Variants in PCDHGB3 observed in about 807,000 individuals in gnomAD.
PCDHGB3 encodes the protein protocadherin gamma-B3.
In PCDHGB3, 40 loss-of-function variants were observed where a neutral mutation model predicts 59.2. The observed-to-expected ratio is 0.68, with a 90% CI of 0.52 to 0.88. The LOEUF is 0.88. PCDHGB3 is among the 40% of genes least tolerant of loss of function. The pLI, the probability that PCDHGB3 is intolerant of heterozygous loss-of-function variation, is 0.00. For missense variants in PCDHGB3, 1,309 were observed against 1,187.9 expected, an observed-to-expected ratio of 1.10 and a Z score of -1.50; for synonymous variants, 581 against 503.6, an observed-to-expected ratio of 1.15 and a Z score of -2.06.
chr5:141,505,053 T>C (rs904041070), intron 2 of PCDHGB3, among the ~76,000 whole-genome samples: 2 of 152,108 alleles, frequency 1.3e-5, no homozygotes, highest in African/African-American at 4.8e-5. Context: ...TCCCAGCTAC[T>C]TGGGAGACTG....
chr5:141,393,635 C>T, intron 1 of PCDHGB3: 2 of 1,613,868 alleles, frequency 1.2e-6, no homozygotes, highest in East Asian at 4.5e-5. Context: ...AGGGAATCAA[C>T]GGAAAAGTGG....
At chr5:141,447,437 G>A (rs1435222330) in intron 1 of PCDHGB3, among the ~76,000 whole-genome samples, 3 of 152,128 alleles carry the variant, frequency 2.0e-5, no homozygotes, top group Non-Finnish European at 2.9e-5. Context: ...CGCACCCGGA[G>A]GAAATTTTTA....
At chr5:141,404,602 G>C (rs749746083) in intron 1 of PCDHGB3, 2 of 1,614,076 alleles carry the variant, frequency 1.2e-6, no homozygotes, top group Admixed American at 1.7e-5. Flanking sequence ...CATTGAGACT[G>C]TTTGTTTTGG....
chr5:141,394,020 AG>A (rs745548616), intron 1 of PCDHGB3: 1 of 1,613,544 alleles, frequency 6.2e-7, no homozygotes, highest in Non-Finnish European at 8.5e-7. Flanking sequence ...TAATTATTAT[AG>A]ATTAGTGACA....
At chr5:141,395,478 T>G in intron 1 of PCDHGB3, 1 of 546,140 alleles carries the variant, frequency 1.8e-6, no homozygotes, top group Non-Finnish European at 3.1e-6. Context: ...CAGTATTTTA[T>G]TCCTATTATC....
At chr5:141,388,207 C>T (rs1374751231) in intron 1 of PCDHGB3, 1 of 1,578,332 alleles carries the variant, frequency 6.3e-7, no homozygotes, top group Admixed American at 1.7e-5. Flanking sequence ...GAATTTGAGG[C>T]TGTTGCTGAA....
chr5:141,428,007 A>G, intron 1 of PCDHGB3: 1 of 1,602,018 alleles, frequency 6.2e-7, no homozygotes, highest in Non-Finnish European at 8.5e-7. Flanking sequence ...ACTCTTCGAT[A>G]TAGTGCCACG....
intron 1 of PCDHGB3, chr5:141,422,952 C>A (rs759618535): frequency 6.2e-7 from 1 of 1,614,254 alleles, no homozygotes; most frequent in Non-Finnish European, 8.5e-7. Context: ...GCTCCACTGG[C>A]GTGGAGCTGG....
In PCDHGB3 at chr5:141,431,913, T is replaced by C; in HGVS notation, c.2415+59104T>C. The C allele has an allele frequency of 6.2e-7, 1 of 1,614,140 alleles. No individual in the cohort carries two copies. Among genetic ancestry groups the C allele is most frequent in the Admixed American group, 1.7e-5 (1 of 60,034 alleles). On this transcript the variant is annotated intron_variant, in intron 1 of 3. Transcript: ENST00000576222. This position sits in a 1 kb window ranked among gnomAD's most constrained non-coding sequence, Gnocchi z 4.8. The stretch of plus-strand genomic sequence containing the variant: ...GAGGAAAACGGACAGGTGATCTGTT[T>C]CATCCAAGGAAATCTGCCCTTTAAA...
At position 141,372,764 on chromosome 5, in the gene PCDHGB3, T is replaced by C; in HGVS notation, c.2370T>C (p.Ser790=). Reference sequence around the variant, plus strand: ...GTGATGAAGCCTCTTGGTTTGAAAGTAATGACAATCCAGAAATGCCTTCTA... The same window carrying C: ...GTGATGAAGCCTCTTGGTTTGAAAGCAATGACAATCCAGAAATGCCTTCTA... The part of the protein sequence containing the change: ...LLCDEASWFE[S]NDNPEMPSNS... The change falls in exon 1 of 4, where the codon AGT becomes AGC. Residue 790 remains serine, a synonymous_variant. Transcript: ENST00000576222. 1 of 1,612,408 alleles carries C rather than the reference T, an allele frequency of 6.2e-7. No individual in the cohort carries two copies. The highest frequency in any genetic ancestry group is 8.5e-7 in the Non-Finnish European group (1 of 1,178,950).
intron 1 of PCDHGB3, chr5:141,423,244 C>T: frequency 1.2e-6 from 2 of 1,613,984 alleles, no homozygotes; most frequent in Non-Finnish European, 1.7e-6. Context: ...CCCCGAAGTC[C>T]TGGCGGACCT....
intron 1 of PCDHGB3, among the ~76,000 whole-genome samples, chr5:141,438,788 A>G (rs1024095720): frequency 3.3e-5 from 5 of 149,742 alleles, no homozygotes; most frequent in Non-Finnish European, 7.4e-5. Flanking sequence ...CAGCCTCTCC[A>G]GTAGCTGGGA....
At chr5:141,436,473 C>CA (rs2097825744) in intron 1 of PCDHGB3, among the ~76,000 whole-genome samples, 1 of 152,112 alleles carries the variant, frequency 6.6e-6, no homozygotes, top group Non-Finnish European at 1.5e-5. Context: ...TCAGATGTAT[C>CA]ATAGAAGGAT....
chr5:141,452,148 T>C (rs1294195346), intron 1 of PCDHGB3, among the ~76,000 whole-genome samples: 1 of 152,228 alleles, frequency 6.6e-6, no homozygotes, highest in Non-Finnish European at 1.5e-5. Flanking sequence ...TTTTTTCCAA[T>C]GAGTTATATT....
intron 1 of PCDHGB3, chr5:141,404,707 C>T: frequency 6.2e-7 from 1 of 1,614,122 alleles, no homozygotes; most frequent in Non-Finnish European, 8.5e-7. Flanking sequence ...CAGAGCCTGG[C>T]TACCTGGTGA....
chr5:141,372,270 G>A lies in PCDHGB3; in HGVS notation c.1876G>A (p.Val626Met). The A allele has an allele frequency of 6.2e-7, 1 of 1,613,182 alleles. No individual in the cohort carries two copies. Among genetic ancestry groups the A allele is most frequent in the African/African-American group, 1.3e-5 (1 of 75,066 alleles). Reference sequence around the variant, plus strand: ...CAGCCTGGGCCTGCGCACGGGTGAGGTGCGCACGGCGCGTACCTTGGGCGA... The same window carrying A: ...CAGCCTGGGCCTGCGCACGGGTGAGATGCGCACGGCGCGTACCTTGGGCGA... ...LFSLGLRTGE[V>M]RTARTLGDRE... is the part of the protein sequence containing the mutation. The change falls in exon 1 of 4, where the codon GTG becomes ATG. Residue 626 changes from valine to methionine, a missense_variant. Physicochemically the swap from Val to Met is conservative, Grantham distance 21 (BLOSUM62 1). Transcript: ENST00000576222.
rs749415234 is a variant in PCDHGB3 at position 141,419,462 on chromosome 5, C to G, written c.2415+46653C>G. 9 of 1,612,582 alleles carry G rather than the reference C, an allele frequency of 5.6e-6. 1 individual carries two copies. The highest frequency in any genetic ancestry group is 1.7e-5 in the Admixed American group (1 of 59,984). On this transcript the variant is annotated intron_variant, in intron 1 of 3. Transcript: ENST00000576222. ...CACCTTCGAGCTCACGCTGCAGGCC[C>G]GCGACCAGGGCTCGCCCGCGCTCAG... is the stretch of plus-strand genomic sequence containing the variant.
At chr5:141,408,115 C>T (rs2095044760) in intron 1 of PCDHGB3, 1 of 1,461,312 alleles carries the variant, frequency 6.8e-7, no homozygotes, top group Non-Finnish European at 9.1e-7. Context: ...GGGACTCCTC[C>T]TGTCCTGGGC....
At chr5:141,427,803 G>A (rs781324396) in intron 1 of PCDHGB3, 2 of 1,511,804 alleles carry the variant, frequency 1.3e-6, no homozygotes, top group Admixed American at 1.7e-5. Context: ...GTCCGTGAGC[G>A]CACAGAGCGG....
Sources: allele counts gnomAD v4.1 joint callset (sites outside exome capture counted in the v4.1 genomes callset), GRCh38; gene constraint gnomAD v4.1.1; non-coding constraint Gnocchi (gnomAD v3.1); transcripts MANE v1.5; gene names NCBI Gene and HGNC (gene_info 2026-07-23, HGNC 2026-07-21).